LOXHD1: variants seen among roughly 807,000 people sequenced by gnomAD.
The protein encoded by LOXHD1 is lipoxygenase homology domain-containing protein 1.
In LOXHD1, 205 loss-of-function variants were observed where a neutral mutation model predicts 248.2. That is an observed-to-expected ratio of 0.83 (90% CI 0.74 to 0.93). The LOEUF (loss-of-function observed/expected upper bound fraction) is 0.93. LOXHD1 is among the 40% of genes least tolerant of loss of function. LOXHD1 has a pLI of 0.00. For synonymous variants in LOXHD1, 1,113 were observed against 1,162.8 expected, an observed-to-expected ratio of 0.96 and a Z score of 0.87; for missense variants, 2,930 against 2,971.6, an observed-to-expected ratio of 0.99 and a Z score of 0.33.
intron 17 of LOXHD1, among the ~76,000 whole-genome samples, chr18:46,563,880 G>C (rs2037581233): frequency 6.6e-6 from 1 of 152,146 alleles, no homozygotes; most frequent in Non-Finnish European, 1.5e-5. Flanking sequence ...ACAGTGATGA[G>C]GCAGCCCTAG....
At chr18:46,533,075 G>A in intron 28 of LOXHD1, 87 bp downstream of exon 28, 3 of 1,420,652 alleles carry the variant, frequency 2.1e-6, no homozygotes, top group Non-Finnish European at 2.9e-6. Flanking sequence ...TGGGTGAAGA[G>A]GCTTAGCCTG....
intron 34 of LOXHD1, among the ~76,000 whole-genome samples, chr18:46,513,219 G>C (rs1039180728): frequency 6.6e-6 from 1 of 152,198 alleles, no homozygotes; most frequent in Admixed American, 6.5e-5. Flanking sequence ...ATGATAAAAT[G>C]TTTAAAAATG....
rs1352589327 is a variant in LOXHD1, at chr18:46,477,618, T to G, written c.6676A>C (p.Ser2226Arg). The change falls in exon 41 of 41, where the codon AGT (serine) becomes CGT (arginine). Residue 2226 changes from serine (S) to arginine (R), a missense_variant. Physicochemically the swap from Ser to Arg is moderately radical, Grantham distance 110. Transcript: ENST00000642948. ...ACCAGCCAGCCTGAGCAGTAGCCAC[T>G]GCTGTCGTGCTCCAGGCGCACCTTG... Reference protein sequence around the residue: ...LRKVRLEHDSSGYCSGWLVEK... With the variant: ...LRKVRLEHDSRGYCSGWLVEK... The G allele has an allele frequency of 6.4e-7, 1 of 1,551,794 alleles. No individual in the cohort carries two copies. Among genetic ancestry groups the G allele is most frequent in the South Asian group, 1.2e-5 (1 of 84,068 alleles).
chr18:46,515,195 T>G (rs1450155749), intron 34 of LOXHD1, among the ~76,000 whole-genome samples: 1 of 152,222 alleles, frequency 6.6e-6, no homozygotes, highest in Non-Finnish European at 1.5e-5. Flanking sequence ...TGTGAATGCA[T>G]GCATATCTCA....
chr18:46,522,122 C>G lies in LOXHD1; in HGVS notation c.5064G>C (p.Val1688=). Residue 1688 remains valine (V), a synonymous_variant, in exon 32 of 41, where the codon GTG becomes GTC. Transcript: ENST00000642948. ...VEEFYVAGLD[V]GIIKKIELGH... ...GCACCTCTATTTTCTTGATGATGCC[C>G]ACATCCAAGCCTGCGACGTAGAACT... 6.4e-7 allele frequency: 1 copy of G among 1,550,642 alleles called. No homozygotes were observed. The highest frequency in any genetic ancestry group is 2.4e-5 in the East Asian group (1 of 40,910).
chr18:46,570,514 C>T (rs747173847), intron 15 of LOXHD1, among the ~76,000 whole-genome samples: 1 of 152,212 alleles, frequency 6.6e-6, no homozygotes, highest in Non-Finnish European at 1.5e-5. Flanking sequence ...GCCAGACCTG[C>T]AGGTCTGCTC....
At chr18:46,601,634 A>C in intron 7 of LOXHD1, 167 bp from the exon 8 acceptor site, 1 of 815,548 alleles carries the variant, frequency 1.2e-6, no homozygotes, top group Non-Finnish European at 2.0e-6. Context: ...GTCCCTCTCG[A>C]CCTCATTTCA....
chr18:46,643,451 G>A (rs1189265247), intron 2 of LOXHD1, among the ~76,000 whole-genome samples: 1 of 152,178 alleles, frequency 6.6e-6, no homozygotes, highest in Admixed American at 6.5e-5. Flanking sequence ...TTTTCTCCAC[G>A]AAGCACCAGT....
intron 25 of LOXHD1, among the ~76,000 whole-genome samples, chr18:46,539,188 T>C (rs931109540): frequency 7.9e-5 from 12 of 152,152 alleles, no homozygotes; most frequent in African/African-American, 2.9e-4. Context: ...AGGCCAGGTG[T>C]GGTGGCTCAT....
intron 25 of LOXHD1, among the ~76,000 whole-genome samples, chr18:46,538,958 T>C (rs1438316176): frequency 6.6e-6 from 1 of 152,128 alleles, no homozygotes; most frequent in Non-Finnish European, 1.5e-5. Context: ...ACATCTTTTA[T>C]AGGGGAGAGG....
At chr18:46,625,072 G>A in intron 4 of LOXHD1, among the ~76,000 whole-genome samples, 1 of 152,140 alleles carries the variant, frequency 6.6e-6, no homozygotes, top group Non-Finnish European at 1.5e-5. Flanking sequence ...GAAGCTTGAT[G>A]GTGTTCACAC....
At chr18:46,509,923 T>G in intron 34 of LOXHD1, 108 bp from the exon 35 acceptor site, 4 of 765,314 alleles carry the variant, frequency 5.2e-6, no homozygotes, top group Non-Finnish European at 6.8e-6. Flanking sequence ...ATTAGGCCTT[T>G]ACTCAGCAGC....
chr18:46,538,296 C>T lies in LOXHD1; in HGVS notation c.3955G>A (p.Ala1319Thr). The T allele has an allele frequency of 1.3e-6, 2 of 1,551,530 alleles. No individual in the cohort carries two copies. The highest frequency in any genetic ancestry group is 1.2e-5 in the South Asian group (1 of 84,056). Residue 1319 changes from alanine to threonine, a missense_variant, in exon 26 of 41, where the codon GCT (alanine) becomes ACT (threonine). By Grantham distance (58) the Ala-to-Thr change is moderately conservative (BLOSUM62 0). Coordinates refer to ENST00000642948, the MANE Select transcript of LOXHD1 (RefSeq NM_001384474.1). ...AAGATGTTGGCATCTGTCCCAGCAG[C>T]AAAGACATCACTGGTGTAGAGGGTG... Reference protein sequence around the residue: ...EITLYTSDVFAAGTDANIFII... With the variant: ...EITLYTSDVFTAGTDANIFII...
intron 12 of LOXHD1, among the ~76,000 whole-genome samples, chr18:46,583,813 A>G (rs2038007494): frequency 3.3e-5 from 5 of 151,230 alleles, no homozygotes; most frequent in Admixed American, 3.3e-4. Context: ...GAAGAACCAC[A>G]TGATCCAATA....
At chr18:46,585,840 T>A (rs2038049556) in intron 12 of LOXHD1, among the ~76,000 whole-genome samples, 1 of 152,216 alleles carries the variant, frequency 6.6e-6, no homozygotes, top group African/African-American at 2.4e-5. Flanking sequence ...GTACAGCTAT[T>A]TTGATAGTTT....
intron 6 of LOXHD1, among the ~76,000 whole-genome samples, chr18:46,606,247 G>C (rs964815272): frequency 2.6e-5 from 4 of 152,066 alleles, no homozygotes; most frequent in Non-Finnish European, 5.9e-5. Flanking sequence ...TCCTGAGAAT[G>C]TACCGTAAGA....
chr18:46,488,305 A>G (rs959237553), intron 38 of LOXHD1, among the ~76,000 whole-genome samples: 1 of 152,216 alleles, frequency 6.6e-6, no homozygotes, highest in Non-Finnish European at 1.5e-5. Flanking sequence ...TGGACTGGGT[A>G]TTATAGGAGT....
chr18:46,596,753 T>C (rs1000796896), intron 8 of LOXHD1, among the ~76,000 whole-genome samples: 5 of 151,990 alleles, frequency 3.3e-5, no homozygotes, highest in Admixed American at 3.3e-4. Flanking sequence ...AACAAGATCT[T>C]AAGAGCATCT....
At chr18:46,605,699 A>G (rs1378381810) in intron 6 of LOXHD1, among the ~76,000 whole-genome samples, 3 of 152,194 alleles carry the variant, frequency 2.0e-5, no homozygotes, top group South Asian at 2.1e-4. Flanking sequence ...AGAGACTCCA[A>G]TCAACCCTGG....
Sources: allele counts gnomAD v4.1 joint callset (sites outside exome capture counted in the v4.1 genomes callset), GRCh38; gene constraint gnomAD v4.1.1; transcripts MANE v1.5; gene names NCBI Gene and HGNC (gene_info 2026-07-23, HGNC 2026-07-21).